Variants in SUPT5H observed in about 807,000 individuals in gnomAD.
SUPT5H encodes transcription elongation factor SPT5.
Under a neutral mutation model 142.5 loss-of-function variants are expected in SUPT5H, and 24 were observed. The observed-to-expected ratio is 0.17, with a 90% CI of 0.12 to 0.24. SUPT5H has a LOEUF of 0.24. Ranked by LOEUF, SUPT5H falls within the 10% of genes least tolerant of loss-of-function variation. SUPT5H has a pLI of 1.00. For missense variants in SUPT5H, 893 were observed against 1,471.8 expected (o/e 0.61, Z 6.43); for synonymous variants, 546 against 553.0 (o/e 0.99, Z 0.18).
Position 39,474,439 on chromosome 19 carries a change from C to T in SUPT5H, c.2820+37C>T. ...CCTGCCTGCCCTGAAGGGTGGTGGG[C>T]TAGGGTGACTTTGGGCATATAGGGT... On this transcript the variant is annotated intron_variant, in intron 27 of 29. Coordinates refer to ENST00000432763, the MANE Select transcript of SUPT5H (RefSeq NM_001111020.3). This position sits in a 1 kb window ranked among gnomAD's most constrained non-coding sequence, Gnocchi z 6.5. The T allele has an allele frequency of 6.2e-7, 1 of 1,609,934 alleles. No homozygotes were observed. The highest frequency in any genetic ancestry group is 1.1e-5 in the South Asian group (1 of 90,882).
At chr19:39,468,560 G>A (rs2079274649) in intron 13 of SUPT5H, 196 bp from the exon 14 acceptor site, 1 of 593,378 alleles carries the variant, frequency 1.7e-6, no homozygotes, top group Non-Finnish European at 3.0e-6. Flanking sequence ...GGAATGGGTG[G>A]AGGAGTGCAG....
chr19:39,456,312 C>T (rs868520372), intron 3 of SUPT5H, among the ~76,000 whole-genome samples: 1 of 151,836 alleles, frequency 6.6e-6, no homozygotes, highest in South Asian at 2.1e-4. Context: ...TCACTGCAGC[C>T]TCTACCTCCC....
In SUPT5H at chr19:39,473,573, G is replaced by T. The variant is rs566614996; in HGVS notation, c.2492+52G>T. The T allele has an allele frequency of 1.3e-6, 2 of 1,564,508 alleles. No homozygotes were observed. The highest frequency in any genetic ancestry group is 1.7e-6 in the Non-Finnish European group (2 of 1,154,818). On this transcript the variant is annotated intron_variant, in intron 25 of 29. Coordinates refer to ENST00000432763, the MANE Select transcript of SUPT5H (RefSeq NM_001111020.3). The surrounding 1 kb of genome is among the most constrained non-coding windows in gnomAD (Gnocchi z 5.8). ...GTGTGTGCTGGTGTGTGTGAGGGATGATGCTGGGTGTCTGGGGCATTGGAG... is the reference window on the plus strand; with the variant it reads ...GTGTGTGCTGGTGTGTGTGAGGGATTATGCTGGGTGTCTGGGGCATTGGAG...
chr19:39,458,787 T>G lies in SUPT5H; in HGVS notation c.320-31T>G. 6.3e-7 allele frequency: 1 copy of G among 1,589,594 alleles called. No homozygotes were observed. Among genetic ancestry groups the G allele is most frequent in the African/African-American group, 1.3e-5 (1 of 74,560 alleles). ...CCAGGCCCCTGCCCTCCACCTGCCC[T>G]TGCTCACGCCCTCTGCCCATTATTT... is the stretch of plus-strand genomic sequence containing the variant. On this transcript the variant is annotated intron_variant, in intron 5 of 29. Coordinates refer to ENST00000432763, the MANE Select transcript of SUPT5H (RefSeq NM_001111020.3). The surrounding 1 kb of genome is among the most constrained non-coding windows in gnomAD (Gnocchi z 4.2).
chr19:39,465,748 T>C (rs552545093), intron 11 of SUPT5H, among the ~76,000 whole-genome samples: 2 of 152,228 alleles, frequency 1.3e-5, no homozygotes, highest in South Asian at 4.1e-4. Context: ...GAGGGGGCCA[T>C]GGGCAAGAGC....
At position 39,474,189 on chromosome 19, in the gene SUPT5H, C is replaced by T. The variant is rs2079368438; in HGVS notation, c.2652-45C>T. 3 of 1,612,738 alleles carry T rather than the reference C, an allele frequency of 1.9e-6. No individual in the cohort carries two copies. The highest frequency in any genetic ancestry group is 1.3e-5 in the African/African-American group (1 of 74,866). On this transcript the variant is annotated intron_variant, in intron 26 of 29. Transcript: ENST00000432763. This position sits in a 1 kb window ranked among gnomAD's most constrained non-coding sequence, Gnocchi z 6.5. ...CCTCCTACTGCCACCACCTCTTTTCCCCTCCCTCCTCCAACAAATGCCCCC... is the reference window on the plus strand; with the variant it reads ...CCTCCTACTGCCACCACCTCTTTTCTCCTCCCTCCTCCAACAAATGCCCCC...
intron 9 of SUPT5H, 69 bp downstream of exon 9, chr19:39,459,658 T>C (rs1310296234): frequency 6.3e-7 from 1 of 1,589,170 alleles, no homozygotes; most frequent in Non-Finnish European, 8.6e-7. Context: ...GGGGGAGAAG[T>C]GTCTGTCTGT....
At chr19:39,449,708 C>A (rs1236806565) in intron 2 of SUPT5H, among the ~76,000 whole-genome samples, 1 of 151,232 alleles carries the variant, frequency 6.6e-6, no homozygotes, top group African/African-American at 2.4e-5. Flanking sequence ...GTGGCACGAT[C>A]TCAGCTCACT....
intron 13 of SUPT5H, 43 bp from the exon 14 acceptor site, chr19:39,468,713 C>G: frequency 1.3e-6 from 2 of 1,581,120 alleles, no homozygotes; most frequent in Non-Finnish European, 8.7e-7. Flanking sequence ...AGATTTTCTT[C>G]TTGACTCTCC....
In SUPT5H at chr19:39,474,890, T is replaced by G; in HGVS notation, c.3024+172T>G. Reference sequence around the variant, plus strand: ...ACCCAAAGGAGGCATCTTACCTGATTTAGCGGGGAATCAGGGAGGGCTGCC... The same window carrying G: ...ACCCAAAGGAGGCATCTTACCTGATGTAGCGGGGAATCAGGGAGGGCTGCC... On this transcript the variant is annotated intron_variant, in intron 28 of 29. Transcript: ENST00000432763. This position sits in a 1 kb window ranked among gnomAD's most constrained non-coding sequence, Gnocchi z 6.5. 1 of 716,086 alleles carries G rather than the reference T, an allele frequency of 1.4e-6. No individual in the cohort carries two copies. Among genetic ancestry groups the G allele is most frequent in the Non-Finnish European group, 2.3e-6 (1 of 438,686 alleles). The allele number at this position is 716,086 out of a possible 1,614,324, so 44.4% of individuals were successfully genotyped here.
rs1018052151 is a variant in SUPT5H, at chr19:39,466,197, TG to T, written c.877-280del. ...TGCCTGAGCAGAGGGAAGAATGGAG[TG>T]GGAGGCGGCAGGTTTGGGGGAATCA... On this transcript the variant is annotated intron_variant, in intron 11 of 29. Transcript: ENST00000432763. This position sits in a 1 kb window ranked among gnomAD's most constrained non-coding sequence, Gnocchi z 4.3. 2.6e-5 allele frequency among the ~76,000 whole-genome samples: 4 copies of T among 151,510 alleles called. No homozygotes were observed. Among genetic ancestry groups the T allele is most frequent in the African/African-American group, 9.7e-5 (4 of 41,186 alleles).
intron 3 of SUPT5H, among the ~76,000 whole-genome samples, chr19:39,457,474 G>A (rs2079104932): frequency 6.6e-6 from 1 of 152,154 alleles, no homozygotes; most frequent in African/African-American, 2.4e-5. Context: ...GAGTTAGTTG[G>A]AGCTGTATGT....
chr19:39,473,268 C>T lies in SUPT5H; in HGVS notation c.2324C>T (p.Thr775Met), dbSNP rs777403227. The T allele has an allele frequency of 4.3e-6, 7 of 1,613,778 alleles. No homozygotes were observed. Among genetic ancestry groups the T allele is most frequent in the South Asian group, 1.1e-5 (1 of 91,090 alleles). The change falls in exon 24 of 30, where the codon ACG becomes ATG. Residue 775 changes from threonine to methionine, a missense_variant. Physicochemically the swap from Thr to Met is moderately conservative, Grantham distance 81. Transcript: ENST00000432763. The surrounding 1 kb of genome is among the most constrained non-coding windows in gnomAD (Gnocchi z 5.8). ...AGGACGCCCATGTATGGCTCCCAGA[C>T]GCCCATGTATGGCTCTGGCTCCCGA... is the stretch of plus-strand genomic sequence containing the variant. ...YGRTPMYGSQ[T>M]PMYGSGSRTP...
chr19:39,472,527 G>C lies in SUPT5H; in HGVS notation c.2035+34G>C, dbSNP rs1422538210. On this transcript the variant is annotated intron_variant, in intron 21 of 29. Coordinates refer to ENST00000432763, the MANE Select transcript of SUPT5H (RefSeq NM_001111020.3). This position sits in a 1 kb window ranked among gnomAD's most constrained non-coding sequence, Gnocchi z 4.2. ...GGTTCAGGGTCAGGGGATGTGGTGG[G>C]TAGAAGGGGCTGGAAGGAACTTGGT... The C allele has an allele frequency of 1.2e-6, 2 of 1,609,356 alleles. No homozygotes were observed. The highest frequency in any genetic ancestry group is 1.7e-6 in the Non-Finnish European group (2 of 1,176,234).
At chr19:39,471,568 A>G in intron 19 of SUPT5H, 37 bp from the exon 20 acceptor site, 1 of 1,613,830 alleles carries the variant, frequency 6.2e-7, no homozygotes, top group Non-Finnish European at 8.5e-7. Flanking sequence ...GGTGAGGGGG[A>G]CATGGTCAAG....
In SUPT5H at chr19:39,469,007, AG is replaced by A; in HGVS notation, c.1144-71del. ...AGAATTATTCCCCTAGGACCCACTCAGCCCACTCAGCTGGGCTGTTGCACTG... is the reference window on the plus strand; with the variant it reads ...AGAATTATTCCCCTAGGACCCACTCACCCACTCAGCTGGGCTGTTGCACTG... On this transcript the variant is annotated intron_variant, in intron 14 of 29. Transcript: ENST00000432763. This position sits in a 1 kb window ranked among gnomAD's most constrained non-coding sequence, Gnocchi z 5.1. The A allele has an allele frequency of 3.1e-6, 5 of 1,589,468 alleles. No individual in the cohort carries two copies. The highest frequency in any genetic ancestry group is 4.3e-6 in the Non-Finnish European group (5 of 1,159,898).
At position 39,465,028 on chromosome 19, in the gene SUPT5H, C is replaced by T. The variant is rs776631429; in HGVS notation, c.855C>T (p.Ile285=). The change falls in exon 11 of 30, where the codon ATC becomes ATT. Residue 285 remains isoleucine, a synonymous_variant. Coordinates refer to ENST00000432763, the MANE Select transcript of SUPT5H (RefSeq NM_001111020.3). The stretch of plus-strand genomic sequence containing the variant: ...CCTGGGTCCGCCTCAAGCGGGGCAT[C>T]TACAAGGATGACATTGCTCAGGTGC... ...PKSWVRLKRG[I]YKDDIAQVDY... The T allele has an allele frequency of 5.0e-6, 8 of 1,614,036 alleles. No homozygotes were observed. The Admixed American group carries it at 1.0e-4, about 20-fold the overall frequency.
chr19:39,465,194 C>A, intron 11 of SUPT5H, 145 bp downstream of exon 11: 1 of 1,256,500 alleles, frequency 8.0e-7, no homozygotes, highest in Non-Finnish European at 1.1e-6. Context: ...TTTGTGAGCA[C>A]ACAGGAAACG....
At position 39,445,633 on chromosome 19, in the gene SUPT5H, G is replaced by A. The variant is rs114862556; in HGVS notation, c.-92G>A. ...GGTACCGAAGGCGGAGGTGGAGCCCGAGAGGTAAGTGCGTGTGCAGAGGTG... is the reference window on the plus strand; with the variant it reads ...GGTACCGAAGGCGGAGGTGGAGCCCAAGAGGTAAGTGCGTGTGCAGAGGTG... On this transcript the variant is annotated 5_prime_UTR_variant, in exon 1 of 30. Transcript: ENST00000432763. 2,356 of 485,210 alleles carry A rather than the reference G, an allele frequency of 4.9e-3. 64 individuals carry two copies. The highest frequency in any genetic ancestry group is 0.041 in the African/African-American group (2,142 of 52,220). The allele number at this position is 485,210 out of a possible 1,614,324, so 30.1% of individuals were successfully genotyped here.
Sources: gnomAD v4.1 joint callset for allele counts (sites outside exome capture counted in the v4.1 genomes callset) on GRCh38, gnomAD v4.1.1 for gene constraint, Gnocchi (gnomAD v3.1) non-coding constraint, MANE v1.5 for transcripts, NCBI Gene and HGNC (gene_info 2026-07-23, HGNC 2026-07-21) for gene names.